Variants in SLC16A8 observed in about 807,000 individuals in gnomAD.
The protein encoded by SLC16A8 is solute carrier family 16 member 8.
SLC16A8 carries 20 observed loss-of-function variants against 22.4 expected under a neutral mutation model. The observed-to-expected ratio is 0.89, with a 90% CI of 0.63 to 1.30. The LOEUF (loss-of-function observed/expected upper bound fraction) is 1.30, where lower values mean the gene tolerates loss of function less well. SLC16A8 is among the 50% of genes most tolerant of loss of function. The probability of loss-of-function intolerance (pLI) is 0.00; values close to 1 mark genes in which losing one functional copy is unlikely to be tolerated. For synonymous variants in SLC16A8, 393 were observed against 358.8 expected (o/e 1.10, Z -1.08); for missense variants, 817 against 740.3 (o/e 1.10, Z -1.20).
rs996183270 is a variant in SLC16A8 at position 38,081,560 on chromosome 22, G to A, written c.478C>T (p.Leu160=). Residue 160 remains leucine (L), a synonymous_variant, in exon 5 of 6, where the codon CTG becomes TTG. Transcript: ENST00000681075. ...AGCAGCTGCTGGCCGAGCGGCGACA[G>A]CGCGGACAGGAACACGGGGCTGCCC... ...AAGSPVFLSA[L]SPLGQQLLER... 3 of 1,490,786 alleles carry A rather than the reference G, an allele frequency of 2.0e-6. No individual in the cohort carries two copies. Among genetic ancestry groups the A allele is most frequent in the African/African-American group, 2.9e-5 (2 of 68,162 alleles). The allele number at this position is 1,490,786 out of a possible 1,614,324, so 92.3% of individuals were successfully genotyped here.
chr22:38,083,598 G>A (rs1403518773), intron 1 of SLC16A8, among the ~76,000 whole-genome samples: 1 of 152,196 alleles, frequency 6.6e-6, no homozygotes, highest in East Asian at 1.9e-4. Context: ...AGACAGGTAG[G>A]AACCTTAGCA....
At chr22:38,080,738 C>A in intron 5 of SLC16A8, 102 bp downstream of exon 5, 1 of 1,409,910 alleles carries the variant, frequency 7.1e-7, no homozygotes, top group South Asian at 1.5e-5. Flanking sequence ...CCCGACTGCC[C>A]CTTCCCCTCA....
chr22:38,082,827 C>T lies in SLC16A8; in HGVS notation c.47G>A (p.Gly16Asp), dbSNP rs1298591467. Reference protein sequence around the residue: ...PRRGEGPPDGGWGWVVLGACF... With the variant: ...PRRGEGPPDGDWGWVVLGACF... Reference sequence around the variant, plus strand: ...GGCGCCCAGCACCACCCAGCCCCAGCCGCCGTCTGGGGGGCCCTCGCCCCG... The same window carrying T: ...GGCGCCCAGCACCACCCAGCCCCAGTCGCCGTCTGGGGGGCCCTCGCCCCG... Residue 16 changes from glycine to aspartate, a missense_variant, in exon 3 of 6, where the codon GGC (glycine) becomes GAC (aspartate). By Grantham distance (94) the Gly-to-Asp change is moderately conservative (BLOSUM62 -1). Transcript: ENST00000681075. 1.3e-6 allele frequency: 2 copies of T among 1,579,198 alleles called. No homozygotes were observed. Among genetic ancestry groups the T allele is most frequent in the Admixed American group, 1.8e-5 (1 of 54,486 alleles).
rs532073082 is a variant in SLC16A8, at chr22:38,080,155, C to T, written c.1198+685G>A. On this transcript the variant is annotated intron_variant, in intron 5 of 5. Transcript: ENST00000681075. ...AAACCCTCATGTCCCCCACTCCCAC[C>T]TTTCCAATTTTGGTTCCTGCCTTGC... Among the ~76,000 whole-genome samples the T allele has an allele frequency of 5.9e-5, 9 of 152,324 alleles. No homozygotes were observed. The East Asian group carries it at 1.7e-3, about 29-fold the overall frequency.
chr22:38,083,057 C>A lies in SLC16A8; in HGVS notation c.-24G>T. 5.1e-6 allele frequency: 3 copies of A among 592,432 alleles called. No individual in the cohort carries two copies. Among genetic ancestry groups the A allele is most frequent in the Non-Finnish European group, 9.0e-6 (3 of 332,662 alleles). The allele number at this position is 592,432 out of a possible 1,614,324, so 36.7% of individuals were successfully genotyped here. On this transcript the variant is annotated 5_prime_UTR_variant, in exon 2 of 6. Transcript: ENST00000681075. ...GGACTCTCACCCCAAGTCTCCTTCT[C>A]CTGCAAAGGGCGCTGAAGGACGAGG...
At position 38,082,678 on chromosome 22, in the gene SLC16A8, C is replaced by T. The variant is rs1466908128; in HGVS notation, c.196G>A (p.Ala66Thr). 1.3e-6 allele frequency: 2 copies of T among 1,584,048 alleles called. No individual in the cohort carries two copies. The highest frequency in any genetic ancestry group is 1.7e-6 in the Non-Finnish European group (2 of 1,167,082). Residue 66 changes from alanine to threonine, a missense_variant, in exon 3 of 6, where the codon GCC becomes ACC. Ala to Thr is a moderately conservative substitution (Grantham distance 58, BLOSUM62 0). Coordinates refer to ENST00000681075, the MANE Select transcript of SLC16A8 (RefSeq NM_013356.3). ...CACTGACCCGTGCCGTAGAGCATGG[C>T]TAGCATGATGGAGGACACCCAGGCC... is the stretch of plus-strand genomic sequence containing the variant. ...DTAWVSSIML[A>T]MLYGTGPVSS...
In SLC16A8 at chr22:38,083,233, C is replaced by T. The variant is rs1461504520; in HGVS notation, c.-200G>A. ...CGTCCAGCACCAAAGTCGCCCCGTA[C>T]GCGTGAGGGTCTCGGGACAACAGAA... On this transcript the variant is annotated 5_prime_UTR_variant, in exon 2 of 6. Coordinates refer to ENST00000681075, the MANE Select transcript of SLC16A8 (RefSeq NM_013356.3). The T allele has an allele frequency of 3.4e-6, 1 of 290,388 alleles. No homozygotes were observed. The highest frequency in any genetic ancestry group is 6.3e-5 in the East Asian group (1 of 15,982). 18.0% of individuals were successfully genotyped at this position (290,388 alleles called of 1,614,324 possible).
At chr22:38,078,744 G>A (rs747546295) in intron 5 of SLC16A8, 40 bp from the exon 6 acceptor site, 3 of 1,563,856 alleles carry the variant, frequency 1.9e-6, no homozygotes, top group African/African-American at 2.7e-5. Context: ...GTAAGGTCCT[G>A]TGGGGTCCTC....
At chr22:38,080,727 A>C (rs1601969401) in intron 5 of SLC16A8, 113 bp downstream of exon 5, 1 of 1,373,530 alleles carries the variant, frequency 7.3e-7, no homozygotes. Flanking sequence ...GAGTCCACCC[A>C]CCCGACTGCC....
rs1173290443 is a variant in SLC16A8 at position 38,083,068 on chromosome 22, C to T, written c.-35G>A. 1.7e-6 allele frequency: 1 copy of T among 587,196 alleles called. No individual in the cohort carries two copies. The highest frequency in any genetic ancestry group is 2.1e-5 in the South Asian group (1 of 47,806). 36.4% of individuals were successfully genotyped at this position (587,196 alleles called of 1,614,324 possible). On this transcript the variant is annotated 5_prime_UTR_variant, in exon 2 of 6. Coordinates refer to ENST00000681075, the MANE Select transcript of SLC16A8 (RefSeq NM_013356.3). ...CCAAGTCTCCTTCTCCTGCAAAGGG[C>T]GCTGAAGGACGAGGGGAGGACGACG...
At position 38,081,952 on chromosome 22, in the gene SLC16A8, T is replaced by G; in HGVS notation, c.295A>C (p.Met99Leu). The change falls in exon 4 of 6, where the codon ATG (methionine) becomes CTG (leucine). Residue 99 changes from methionine (M) to leucine (L), a missense_variant. Physicochemically the swap from Met to Leu is conservative, Grantham distance 15. Coordinates refer to ENST00000681075, the MANE Select transcript of SLC16A8 (RefSeq NM_013356.3). ...LAGGLLASAG[M>L]ILASFATRLL... ...CGCGTGGCAAAGGAAGCTAGGATCA[T>G]GCCCGCGGAAGCCAGCAGCCCACCC... The G allele has an allele frequency of 6.4e-7, 1 of 1,566,552 alleles. No homozygotes were observed. The highest frequency in any genetic ancestry group is 8.7e-7 in the Non-Finnish European group (1 of 1,155,790).
At position 38,078,302 on chromosome 22, in the gene SLC16A8, A is replaced by C; in HGVS notation, c.*86T>G. On this transcript the variant is annotated 3_prime_UTR_variant, in exon 6 of 6. Coordinates refer to ENST00000681075, the MANE Select transcript of SLC16A8 (RefSeq NM_013356.3). The stretch of plus-strand genomic sequence containing the variant: ...CGTGGACCCCGGGAGTGACCACCCC[A>C]GACCAGCCTCCCAGCGTACCAGGCT... 1 of 1,368,920 alleles carries C rather than the reference A, an allele frequency of 7.3e-7. No homozygotes were observed. 84.8% of individuals were successfully genotyped at this position (1,368,920 alleles called of 1,614,324 possible). A position where few individuals can be genotyped will look rare whatever the true frequency, so the allele number is the denominator to read the frequency against.
chr22:38,078,598 C>T lies in SLC16A8; in HGVS notation c.1305G>A (p.Leu435=), dbSNP rs1171330389. Residue 435 remains leucine, a synonymous_variant, in exon 6 of 6, where the codon CTG becomes CTA. Transcript: ENST00000681075. Reference sequence around the variant, plus strand: ...CTGACGGGGCAGCTTTAGCACAACGCAGGCAGCAGTTGGTGGCGACAGCCA... The same window carrying T: ...CTGACGGGGCAGCTTTAGCACAACGTAGGCAGCAGTTGGTGGCGACAGCCA... ...VFMAVATNCC[L]RCAKAAPSGP... is the part of the protein sequence containing the mutation. 6 of 1,614,088 alleles carry T rather than the reference C, an allele frequency of 3.7e-6. No individual in the cohort carries two copies. In the South Asian group the frequency reaches 5.5e-5, roughly 15 times the overall value.
At position 38,082,555 on chromosome 22, in the gene SLC16A8, CG is replaced by C. The variant is rs910965661; in HGVS notation, c.214+104del. The C allele has an allele frequency of 2.6e-5, 25 of 972,776 alleles. No homozygotes were observed. In the African/African-American group the frequency reaches 3.3e-4, roughly 13 times the overall value. The allele number at this position is 972,776 out of a possible 1,614,324, so 60.3% of individuals were successfully genotyped here. A position where few individuals can be genotyped will look rare whatever the true frequency, so the allele number is the denominator to read the frequency against. The stretch of plus-strand genomic sequence containing the variant: ...GGTTCCCACAGGCAGGAAGGGACTT[CG>C]GGGGCCACCCCGAGGGTCAGGGGGA... On this transcript the variant is annotated intron_variant, in intron 3 of 5. Coordinates refer to ENST00000681075, the MANE Select transcript of SLC16A8 (RefSeq NM_013356.3).
At chr22:38,083,702 G>C (rs1188063725) in intron 1 of SLC16A8, among the ~76,000 whole-genome samples, 1 of 129,920 alleles carries the variant, frequency 7.7e-6, no homozygotes, top group East Asian at 2.1e-4. Context: ...GGCTCCACCC[G>C]GGGCCCTCAC....
chr22:38,083,198 T>C lies in SLC16A8; in HGVS notation c.-165A>G. ...TCGGGAAGTGGAGCAGGTATGTGCC[T>C]GGAGGTGGGCGTCCAGCACCAAAGT... On this transcript the variant is annotated 5_prime_UTR_variant, in exon 2 of 6. Coordinates refer to ENST00000681075, the MANE Select transcript of SLC16A8 (RefSeq NM_013356.3). The C allele has an allele frequency of 2.8e-6, 1 of 359,372 alleles. No individual in the cohort carries two copies. The highest frequency in any genetic ancestry group is 4.6e-5 in the East Asian group (1 of 21,678). The allele number at this position is 359,372 out of a possible 1,614,324, so 22.3% of individuals were successfully genotyped here. A position where few individuals can be genotyped will look rare whatever the true frequency, so the allele number is the denominator to read the frequency against.
Position 38,081,795 on chromosome 22 carries a change from C to A in SLC16A8, c.358+94G>T, listed in dbSNP as rs1187404160. On this transcript the variant is annotated intron_variant, in intron 4 of 5. Coordinates refer to ENST00000681075, the MANE Select transcript of SLC16A8 (RefSeq NM_013356.3). ...ATCCGGGAACCCAGCCGAGGGACTT[C>A]GAAGACTGTCCCTCATAGGGAAACC... 2.7e-6 allele frequency: 4 copies of A among 1,470,054 alleles called. No homozygotes were observed. The African/African-American group carries it at 4.3e-5, about 16-fold the overall frequency. 91.1% of individuals were successfully genotyped at this position (1,470,054 alleles called of 1,614,324 possible). A position where few individuals can be genotyped will look rare whatever the true frequency, so the allele number is the denominator to read the frequency against.
rs971659913 is a variant in SLC16A8, at chr22:38,078,498, C to G, written c.1405G>C (p.Val469Leu). Residue 469 changes from valine to leucine, a missense_variant, in exon 6 of 6, where the codon GTT (valine) becomes CTT (leucine). Val to Leu is a conservative substitution (Grantham distance 32, BLOSUM62 1). Transcript: ENST00000681075. ...TCCAGGTTGCCGGGTTCCTCTGCAACAACAGGCAGGGGCTCAGAGTCCCCT... is the reference window on the plus strand; with the variant it reads ...TCCAGGTTGCCGGGTTCCTCTGCAAGAACAGGCAGGGGCTCAGAGTCCCCT... The part of the protein sequence containing the change: ...AEGDSEPLPV[V>L]AEEPGNLEAL... 2.5e-6 allele frequency: 4 copies of G among 1,614,180 alleles called. No individual in the cohort carries two copies. Among genetic ancestry groups the G allele is most frequent in the South Asian group, 1.1e-5 (1 of 91,088 alleles).
At position 38,083,123 on chromosome 22, in the gene SLC16A8, C is replaced by G; in HGVS notation, c.-90G>C. ...CCACCTGACTCTGCACCTCTGCAGG[C>G]TCCCTCTGAAGGACAACTGCTGGCC... On this transcript the variant is annotated 5_prime_UTR_variant, in exon 2 of 6. Transcript: ENST00000681075. 1 of 531,668 alleles carries G rather than the reference C, an allele frequency of 1.9e-6. No individual in the cohort carries two copies. Among genetic ancestry groups the G allele is most frequent in the South Asian group, 2.6e-5 (1 of 37,876 alleles). The allele number at this position is 531,668 out of a possible 1,614,324, so 32.9% of individuals were successfully genotyped here.
Sources: allele counts gnomAD v4.1 joint callset (sites outside exome capture counted in the v4.1 genomes callset), GRCh38; gene constraint gnomAD v4.1.1; transcripts MANE v1.5; gene names NCBI Gene and HGNC (gene_info 2026-07-23, HGNC 2026-07-21).